Variants in F5 observed in about 807,000 individuals in gnomAD.
F5 encodes activated protein c cofactor.
In F5, 138 loss-of-function variants were observed where a neutral mutation model predicts 216.4. The ratio of observed to expected loss-of-function variants is 0.64; its 90% CI spans 0.56 to 0.73. The LOEUF (loss-of-function observed/expected upper bound fraction) is 0.73, where lower values mean the gene tolerates loss of function less well. F5 is among the 30% of genes least tolerant of loss of function. F5 has a pLI of 0.00. For synonymous variants in F5, 916 were observed against 930.7 expected (o/e 0.98, Z 0.29); for missense variants, 2,403 against 2,674.0 (o/e 0.90, Z 2.24).
intron 2 of F5, 39 bp downstream of exon 2, chr1:169,582,392 A>T (rs777621727): frequency 8.6e-7 from 1 of 1,167,076 alleles, no homozygotes; most frequent in Non-Finnish European, 1.2e-6. Context: ...ACCCATAGAA[A>T]TTTATCTTTA....
At position 169,550,085 on chromosome 1, in the gene F5, G is replaced by T. The variant is rs1571581888; in HGVS notation, c.1397-70C>A. 4 of 1,234,488 alleles carry T rather than the reference G, an allele frequency of 3.2e-6. No individual in the cohort carries two copies. The East Asian group carries it at 9.5e-5, about 29-fold the overall frequency. The allele number at this position is 1,234,488 out of a possible 1,614,324, so 76.5% of individuals were successfully genotyped here. On this transcript the variant is annotated intron_variant, in intron 9 of 24. Coordinates refer to ENST00000367797, the MANE Select transcript of F5 (RefSeq NM_000130.5). ...TTCATGATAATAAATAAATAAATAA[G>T]CTTTCGCTGGAACCAATTAATATTG...
In F5 at chr1:169,581,632, G is replaced by T. The variant is rs566903183; in HGVS notation, c.250+799C>A. ...AGACAGCAGGTCTTCATCTGATTGG[G>T]GAAAGGGACAGGTGAATTACTGACA... On this transcript the variant is annotated intron_variant, in intron 2 of 24. Transcript: ENST00000367797. Among the ~76,000 whole-genome samples, 5 of 152,194 alleles carry T rather than the reference G, an allele frequency of 3.3e-5. No individual in the cohort carries two copies. The South Asian group carries it at 1.0e-3, about 32-fold the overall frequency.
At chr1:169,552,959 G>A (rs1660207483) in intron 7 of F5, among the ~76,000 whole-genome samples, 1 of 152,128 alleles carries the variant, frequency 6.6e-6, no homozygotes, top group Non-Finnish European at 1.5e-5. Context: ...TAGGTAACTG[G>A]TTAGAAGCAG....
intron 2 of F5, 86 bp downstream of exon 2, chr1:169,582,345 G>A (rs1384898798): frequency 4.3e-6 from 3 of 703,556 alleles, no homozygotes. Context: ...TAAATTTTCA[G>A]TAAATGGATA....
At chr1:169,550,905 C>G (rs975283702) in intron 8 of F5, among the ~76,000 whole-genome samples, 166 bp from the exon 9 acceptor site, 4 of 152,142 alleles carry the variant, frequency 2.6e-5, no homozygotes. Flanking sequence ...CCCCTCATCA[C>G]TTGGCAGGAG....
intron 13 of F5, among the ~76,000 whole-genome samples, chr1:169,538,204 C>T (rs573215178): frequency 4.4e-4 from 67 of 152,150 alleles, no homozygotes; most frequent in African/African-American, 1.5e-3. Context: ...ACCAGGAGGT[C>T]GTTATGTTAC....
rs1374587296 is a variant in F5, at chr1:169,542,277, T to G, written c.2813A>C (p.Asn938Thr). 4.3e-6 allele frequency: 7 copies of G among 1,614,002 alleles called. No individual in the cohort carries two copies. In the Middle Eastern group the frequency reaches 4.9e-4, roughly 114 times the overall value. The part of the protein sequence containing the change: ...PSDLLLLKQS[N>T]SSKILVGRWH... ...TCTCCCAACCAAAATCTTAGATGAGTTACTTTGTTTTAAGAGTAACAGATC... is the reference window on the plus strand; with the variant it reads ...TCTCCCAACCAAAATCTTAGATGAGGTACTTTGTTTTAAGAGTAACAGATC... The change falls in exon 13 of 25, where the codon AAC becomes ACC. Residue 938 changes from asparagine to threonine, a missense_variant. Asn to Thr is a moderately conservative substitution (Grantham distance 65, BLOSUM62 0). Around this residue, in one of 4 missense-constraint regions of F5, gnomAD observed 1,425 missense variants for 1,554.8 expected, o/e 0.92. Coordinates refer to ENST00000367797, the MANE Select transcript of F5 (RefSeq NM_000130.5).
intron 17 of F5, 55 bp from the exon 18 acceptor site, chr1:169,526,072 G>C: frequency 8.4e-7 from 1 of 1,189,368 alleles, no homozygotes. Context: ...AAATATTGTG[G>C]TTGATAGTTC....
intron 3 of F5, among the ~76,000 whole-genome samples, chr1:169,566,284 T>A (rs1473344226): frequency 1.3e-5 from 2 of 152,072 alleles, no homozygotes; most frequent in Non-Finnish European, 2.9e-5. Flanking sequence ...CACATGGGGT[T>A]TCTATAGTAG....
In F5 at chr1:169,556,853, C is replaced by A; in HGVS notation, c.745G>T (p.Ala249Ser). 6 of 1,613,848 alleles carry A rather than the reference C, an allele frequency of 3.7e-6. No homozygotes were observed. In the African/African-American group the frequency reaches 6.7e-5, roughly 18 times the overall value. The change falls in exon 6 of 25, where the codon GCC becomes TCC. Residue 249 changes from alanine (A) to serine (S), a missense_variant. Ala to Ser is a moderately conservative substitution (Grantham distance 99). Around this residue, in one of 4 missense-constraint regions of F5, gnomAD observed 1,425 missense variants for 1,554.8 expected, o/e 0.92. Coordinates refer to ENST00000367797, the MANE Select transcript of F5 (RefSeq NM_000130.5). ...NGTMPDITVCAHDHISWHLLG... is the reference protein window; with the variant it reads ...NGTMPDITVCSHDHISWHLLG... ...AGATGCCAGCTGATGTGGTCATGGG[C>A]ACAAACTGTTATATCTGAGAAAGAG...
intron 14 of F5, among the ~76,000 whole-genome samples, chr1:169,531,818 T>C (rs6701330): frequency 0.31 from 46,704 of 151,766 alleles, 7,520 homozygotes; most frequent in Admixed American, 0.45. Context: ...GATTAAAGAC[T>C]CCCTAATTGT....
At chr1:169,556,429 A>AAAAAAAAAAAAAAAAAAC (rs1158335221) in intron 6 of F5, among the ~76,000 whole-genome samples, 1 of 148,130 alleles carries the variant, frequency 6.8e-6, no homozygotes, top group African/African-American at 2.5e-5. Context: ...CTTAATTAAA[A>AAAAAAAAAAAAAAAAAAC]AAAAAAAAAA....
chr1:169,542,454 C>A lies in F5; in HGVS notation c.2636G>T (p.Arg879Met), dbSNP rs867165156. 1 of 1,614,108 alleles carries A rather than the reference C, an allele frequency of 6.2e-7. No homozygotes were observed. The highest frequency in any genetic ancestry group is 1.3e-5 in the African/African-American group (1 of 75,032). Residue 879 changes from arginine to methionine, a missense_variant, in exon 13 of 25, where the codon AGG (arginine) becomes ATG (methionine). This residue lies in a region of F5 where 1,425 missense variants were observed against 1,554.8 expected (regional missense o/e 0.92). Transcript: ENST00000367797. ...KVERDQAAKH[R>M]FSWMKLLAHK... ...TGCTAGTAATTTCATCCAGGAGAAC[C>A]TGTGCTTTGCTGCTTGATCTCTTTC...
At chr1:169,526,748 C>T (rs1659461923) in intron 17 of F5, among the ~76,000 whole-genome samples, 1 of 152,092 alleles carries the variant, frequency 6.6e-6, no homozygotes, top group Non-Finnish European at 1.5e-5. Flanking sequence ...ATCCTAGCTT[C>T]TCAGTCTGTC....
Position 169,529,767 on chromosome 1 carries a change from C to G in F5, c.5260G>C (p.Gly1754Arg), listed in dbSNP as rs1260381333. The G allele has an allele frequency of 4.3e-6, 7 of 1,613,606 alleles. No individual in the cohort carries two copies. Among genetic ancestry groups the G allele is most frequent in the Non-Finnish European group, 5.9e-6 (7 of 1,179,738 alleles). ...ATGTTGCTGTCCTTATGTAGTATTCCTTTTTGGCAGATTAGGAGGGGACCT... is the reference window on the plus strand; with the variant it reads ...ATGTTGCTGTCCTTATGTAGTATTCGTTTTTGGCAGATTAGGAGGGGACCT... ...LIGPLLICQK[G>R]ILHKDSNMPM... The change falls in exon 16 of 25, where the codon GGA becomes CGA. Residue 1754 changes from glycine to arginine, a missense_variant. By Grantham distance (125) the Gly-to-Arg change is moderately radical. Around this residue, in one of 4 missense-constraint regions of F5, gnomAD observed 659 missense variants for 787.9 expected, o/e 0.84. Transcript: ENST00000367797.
intron 11 of F5, 21 bp downstream of exon 11, chr1:169,546,421 A>G: frequency 6.2e-7 from 1 of 1,613,936 alleles, no homozygotes; most frequent in South Asian, 1.1e-5. Flanking sequence ...ACTGATGAAC[A>G]AAAATAGTAC....
Position 169,552,746 on chromosome 1 carries a change from G to C in F5, c.1119-12C>G. The C allele has an allele frequency of 6.3e-7, 1 of 1,598,608 alleles. No homozygotes were observed. The highest frequency in any genetic ancestry group is 8.6e-7 in the Non-Finnish European group (1 of 1,168,746). ...GAGACCTGTATTTTCTTAAAGTGAA[G>C]TAAAAAAAAATTAAACCACTTTCTC... On this transcript the variant is annotated splice_polypyrimidine_tract_variant and intron_variant, in intron 7 of 24. Coordinates refer to ENST00000367797, the MANE Select transcript of F5 (RefSeq NM_000130.5).
chr1:169,556,922 G>T, intron 5 of F5, 55 bp from the exon 6 acceptor site: 2 of 1,493,604 alleles, frequency 1.3e-6, no homozygotes, highest in South Asian at 1.2e-5. Context: ...AGTACTCTGT[G>T]ATCAAACATT....
chr1:169,565,729 C>T (rs1428344719), intron 3 of F5, among the ~76,000 whole-genome samples: 1 of 152,070 alleles, frequency 6.6e-6, no homozygotes, highest in East Asian at 1.9e-4. Context: ...ATGATCAGTT[C>T]TTACTGGACC....
Sources: gnomAD v4.1 joint callset for allele counts (sites outside exome capture counted in the v4.1 genomes callset) on GRCh38, gnomAD v4.1.1 for gene constraint, gnomAD v4.1.1 regional missense constraint, MANE v1.5 for transcripts, NCBI Gene and HGNC (gene_info 2026-07-23, HGNC 2026-07-21) for gene names.